AGAP5: variants seen among roughly 807,000 people sequenced by gnomAD.
The protein encoded by AGAP5 is arf-GAP with GTPase, ANK repeat and PH domain-containing protein 5.
AGAP5 carries 8 observed loss-of-function variants against 27.7 expected under a neutral mutation model. The observed-to-expected ratio is 0.29, with a 90% CI of 0.17 to 0.52. AGAP5 has a LOEUF of 0.52. AGAP5 is among the 20% of genes least tolerant of loss of function. The pLI, the probability that AGAP5 is intolerant of heterozygous loss-of-function variation, is 0.97. For missense variants in AGAP5, 285 were observed against 880.8 expected, an observed-to-expected ratio of 0.32 and a Z score of 8.56; for synonymous variants, 111 against 338.0, an observed-to-expected ratio of 0.33 and a Z score of 7.37.
rs1356189373 is a variant in AGAP5, at chr10:73,689,673, G to A, written c.396+2370C>T. 6.6e-5 allele frequency among the ~76,000 whole-genome samples: 10 copies of A among 150,850 alleles called. 1 individual carries two copies. The highest frequency in any genetic ancestry group is 6.3e-4 in the South Asian group (3 of 4,754). ...CAGGATGTGAGGAGCGTCTCTGCCC[G>A]GCCGCCCCGTCTGAGAAGTGAGGAG... On this transcript the variant is annotated intron_variant, in intron 4 of 7. Transcript: ENST00000374094.
At chr10:73,679,098 C>A (rs1181317311) in intron 6 of AGAP5, among the ~76,000 whole-genome samples, 3 of 143,280 alleles carry the variant, frequency 2.1e-5, no homozygotes, top group Admixed American at 7.0e-5. Flanking sequence ...AGTGATCCAC[C>A]CACCTCAGCC....
In AGAP5 at chr10:73,679,409, G is replaced by T. The variant is rs1016681834; in HGVS notation, c.533+662C>A. The stretch of plus-strand genomic sequence containing the variant: ...GATCTCCTGACCTTGTGATCCGCCC[G>T]CCTCAGCCTCCCAAAGTGCTGGGAT... On this transcript the variant is annotated intron_variant, in intron 6 of 7. Coordinates refer to ENST00000374094, the MANE Select transcript of AGAP5 (RefSeq NM_001144000.4). Among the ~76,000 whole-genome samples the T allele has an allele frequency of 3.4e-4, 52 of 151,976 alleles. No homozygotes were observed. The Middle Eastern group carries it at 0.017, about 50-fold the overall frequency.
rs752706044 is a variant in AGAP5, at chr10:73,697,170, G to A, written c.224-7C>T. The A allele has an allele frequency of 8.8e-6, 14 of 1,595,940 alleles. No individual in the cohort carries two copies. In the East Asian group the frequency reaches 1.1e-4, roughly 13 times the overall value. ...GAAAGGCTAAACTCCAAAGCTATAT[G>A]TATAGAGGGAGAAAAGAAAAAAGAT... On this transcript the variant is annotated splice_polypyrimidine_tract_variant and splice_region_variant and intron_variant, in intron 1 of 7. Coordinates refer to ENST00000374094, the MANE Select transcript of AGAP5 (RefSeq NM_001144000.4).
At chr10:73,693,495 T>C (rs1351857424) in intron 3 of AGAP5, among the ~76,000 whole-genome samples, 1 of 112,864 alleles carries the variant, frequency 8.9e-6, no homozygotes, top group African/African-American at 3.5e-5. Context: ...GTCAGGAGTT[T>C]CAGACCAGCC....
At chr10:73,689,440 G>C (rs1380418630) in intron 4 of AGAP5, among the ~76,000 whole-genome samples, 2 of 5,892 alleles carry the variant, frequency 3.4e-4, no homozygotes, top group African/African-American at 5.0e-4. Context: ...GTCTCTGCCT[G>C]GCCGCCCCAT....
intron 5 of AGAP5, chr10:73,681,254 G>A (rs2082022564): frequency 1.1e-6 from 1 of 924,754 alleles, no homozygotes; most frequent in African/African-American, 1.8e-5. Flanking sequence ...GATTGAGCTG[G>A]GGTGAAAATC....
intron 2 of AGAP5, among the ~76,000 whole-genome samples, chr10:73,696,494 A>G (rs2082163343): frequency 6.6e-6 from 1 of 152,270 alleles, no homozygotes; most frequent in Non-Finnish European, 1.5e-5. Context: ...AGTGTTGACC[A>G]TGAACCAATC....
chr10:73,678,021 T>G (rs575493122), intron 6 of AGAP5, among the ~76,000 whole-genome samples: 5 of 152,372 alleles, frequency 3.3e-5, no homozygotes, highest in Admixed American at 6.5e-5. Flanking sequence ...TGCTTTTTTT[T>G]TTGTTTTTAA....
chr10:73,674,728 G>A lies in AGAP5; in HGVS notation c.1932C>T (p.Ile644=). ...GGGCCATGACGTCCACCCCGTACCA[G>A]ATCAGGAGCTGTGCCAGGACCACAT... ...KGNVVLAQLL[I]WYGVDVMARD... The change falls in exon 8 of 8, where the codon ATC becomes ATT. Residue 644 remains isoleucine (I), a synonymous_variant. Coordinates refer to ENST00000374094, the MANE Select transcript of AGAP5 (RefSeq NM_001144000.4). 6.2e-7 allele frequency: 1 copy of A among 1,612,124 alleles called. No individual in the cohort carries two copies. The highest frequency in any genetic ancestry group is 1.7e-5 in the Admixed American group (1 of 60,014).
intron 4 of AGAP5, among the ~76,000 whole-genome samples, chr10:73,688,715 G>A (rs1260325973): frequency 2.0e-5 from 3 of 151,628 alleles, no homozygotes; most frequent in African/African-American, 7.3e-5. Flanking sequence ...AAGTAACAGA[G>A]AAAATAAAAA....
chr10:73,695,901 T>G (rs901751320), intron 2 of AGAP5, among the ~76,000 whole-genome samples: 1 of 152,224 alleles, frequency 6.6e-6, no homozygotes, highest in Non-Finnish European at 1.5e-5. Context: ...TTACTTAGAT[T>G]CATCTCTTTG....
At chr10:73,696,435 C>A (rs1193667279) in intron 2 of AGAP5, among the ~76,000 whole-genome samples, 1 of 152,210 alleles carries the variant, frequency 6.6e-6, no homozygotes, top group African/African-American at 2.4e-5. Context: ...AACCTGCAAT[C>A]TTTATATTAC....
intron 5 of AGAP5, chr10:73,681,325 A>G: frequency 1.0e-6 from 1 of 985,244 alleles, no homozygotes; most frequent in East Asian, 1.1e-4. Context: ...TGATTTTCCT[A>G]AAAGGCTTCT....
At chr10:73,694,044 TC>T (rs1253476348) in intron 3 of AGAP5, among the ~76,000 whole-genome samples, 1 of 152,172 alleles carries the variant, frequency 6.6e-6, no homozygotes, top group Non-Finnish European at 1.5e-5. Flanking sequence ...CTGCATTACT[TC>T]GCATATTATT....
chr10:73,696,388 G>A (rs113430025), intron 2 of AGAP5, among the ~76,000 whole-genome samples: 4 of 152,104 alleles, frequency 2.6e-5, no homozygotes, highest in Non-Finnish European at 5.9e-5. Flanking sequence ...GGGGAGCCAC[G>A]GCAACAAACA....
chr10:73,682,053 A>C (rs2082028594), intron 5 of AGAP5: 1 of 983,910 alleles, frequency 1.0e-6, no homozygotes. Context: ...TACAGAATGA[A>C]AAGTTAAATT....
At chr10:73,685,591 C>A (rs1046706455) in intron 4 of AGAP5, among the ~76,000 whole-genome samples, 2 of 149,828 alleles carry the variant, frequency 1.3e-5, no homozygotes, top group African/African-American at 4.9e-5. Flanking sequence ...CGCTCTGTTG[C>A]CCAGGCTGGA....
At chr10:73,678,256 CGTGG>C (rs1407942344) in intron 6 of AGAP5, among the ~76,000 whole-genome samples, 3 of 152,018 alleles carry the variant, frequency 2.0e-5, no homozygotes, top group African/African-American at 7.2e-5. Flanking sequence ...ATTAGCCTGG[CGTGG>C]TGCCACACAT....
intron 4 of AGAP5, among the ~76,000 whole-genome samples, chr10:73,687,566 T>C (rs1287618045): frequency 6.6e-6 from 1 of 152,236 alleles, no homozygotes; most frequent in East Asian, 1.9e-4. Context: ...ATGGGAAGTA[T>C]ATGGCAGTGG....
Sources: gnomAD v4.1 joint callset for allele counts (sites outside exome capture counted in the v4.1 genomes callset) on GRCh38, gnomAD v4.1.1 for gene constraint, MANE v1.5 for transcripts, NCBI Gene and HGNC (gene_info 2026-07-23, HGNC 2026-07-21) for gene names.